Variants in LIMCH1 observed in about 807,000 individuals in gnomAD.
The protein encoded by LIMCH1 is LIM and calponin homology domains 1.
In LIMCH1, 113 loss-of-function variants were observed where a neutral mutation model predicts 176.5. The observed-to-expected ratio is 0.64, with a 90% confidence interval of 0.55 to 0.75. The LOEUF is 0.75. LIMCH1 is among the 30% of genes least tolerant of loss of function. The pLI, the probability that LIMCH1 is intolerant of heterozygous loss-of-function variation, is 0.00. For missense variants in LIMCH1, 1,674 were observed against 1,814.9 expected (o/e 0.92, Z 1.41); for synonymous variants, 619 against 645.9 (o/e 0.96, Z 0.63).
intron 1 of LIMCH1, among the ~76,000 whole-genome samples, chr4:41,370,419 G>A (rs2053782422): frequency 6.6e-6 from 1 of 152,104 alleles, no homozygotes; most frequent in African/African-American, 2.4e-5. Context: ...CTAGTAGCTG[G>A]TATCCATGGT....
chr4:41,440,852 A>G (rs1366064465), intron 1 of LIMCH1, among the ~76,000 whole-genome samples: 1 of 152,190 alleles, frequency 6.6e-6, no homozygotes, highest in African/African-American at 2.4e-5. Flanking sequence ...ACTATTGATA[A>G]TATAGCAGAC....
intron 1 of LIMCH1, among the ~76,000 whole-genome samples, chr4:41,444,961 A>G (rs558746504): frequency 1.9e-4 from 29 of 152,188 alleles, no homozygotes; most frequent in Non-Finnish European, 4.1e-4. Flanking sequence ...ATCTTGCTCA[A>G]TAACCACTGT....
At chr4:41,462,306 G>T (rs1339574097) in intron 1 of LIMCH1, among the ~76,000 whole-genome samples, 1 of 152,150 alleles carries the variant, frequency 6.6e-6, no homozygotes, top group South Asian at 2.1e-4. Flanking sequence ...CTGCAAAAAG[G>T]ATTAATTAGA....
intron 4 of LIMCH1, chr4:41,612,929 A>G (rs2091617274): frequency 4.0e-6 from 6 of 1,486,380 alleles, no homozygotes. Flanking sequence ...TCAAGGTAGC[A>G]GGAGATGAAC....
chr4:41,643,706 C>T (rs2093932667), intron 14 of LIMCH1, among the ~76,000 whole-genome samples: 1 of 152,064 alleles, frequency 6.6e-6, no homozygotes, highest in South Asian at 2.1e-4. Flanking sequence ...CAGAGTTATC[C>T]TGACAAAAAT....
At chr4:41,512,106 C>G (rs2075000207) in intron 2 of LIMCH1, among the ~76,000 whole-genome samples, 1 of 152,076 alleles carries the variant, frequency 6.6e-6, no homozygotes, top group African/African-American at 2.4e-5. Flanking sequence ...GGAATAGACA[C>G]TTCTCCAAAG....
intron 1 of LIMCH1, among the ~76,000 whole-genome samples, chr4:41,431,230 G>C (rs1335544249): frequency 1.3e-5 from 2 of 152,140 alleles, no homozygotes; most frequent in East Asian, 3.9e-4. Flanking sequence ...CAGAGGAAGG[G>C]TCAAAGCTTT....
intron 1 of LIMCH1, among the ~76,000 whole-genome samples, chr4:41,445,139 G>A (rs577292558): frequency 6.6e-6 from 1 of 151,316 alleles, no homozygotes; most frequent in African/African-American, 2.4e-5. Context: ...CCGAGTAGCT[G>A]GAACTACAGG....
chr4:41,411,609 G>A (rs566514896), intron 1 of LIMCH1, among the ~76,000 whole-genome samples: 89 of 151,548 alleles, frequency 5.9e-4, no homozygotes, highest in Admixed American at 9.9e-4. Context: ...CGGATTGATC[G>A]CTCCACCACT....
At chr4:41,583,434 G>A (rs1217708114) in intron 1 of LIMCH1, among the ~76,000 whole-genome samples, 1 of 152,192 alleles carries the variant, frequency 6.6e-6, no homozygotes, top group Non-Finnish European at 1.5e-5. Flanking sequence ...TGCCAAGAAT[G>A]TGCTAGGTGC....
chr4:41,619,069 T>A (rs2092363782), intron 5 of LIMCH1, 119 bp from the exon 6 acceptor site: 1 of 1,135,184 alleles, frequency 8.8e-7, no homozygotes, highest in Admixed American at 2.1e-5. Context: ...GTTAAGTGAA[T>A]GATTTAAGAA....
intron 1 of LIMCH1, among the ~76,000 whole-genome samples, chr4:41,363,619 T>A (rs1255418634): frequency 6.6e-6 from 1 of 152,132 alleles, no homozygotes; most frequent in Non-Finnish European, 1.5e-5. Flanking sequence ...AACTTGTTAG[T>A]GAGGAATTTC....
intron 1 of LIMCH1, among the ~76,000 whole-genome samples, chr4:41,492,075 C>T (rs918330553): frequency 6.6e-6 from 1 of 152,090 alleles, no homozygotes; most frequent in African/African-American, 2.4e-5. Flanking sequence ...AGGTTGTAGC[C>T]AGCCGAGATC....
intron 1 of LIMCH1, among the ~76,000 whole-genome samples, chr4:41,441,727 TC>T (rs1433397916): frequency 4.6e-5 from 7 of 152,222 alleles, no homozygotes; most frequent in African/African-American, 1.7e-4. Context: ...TTTTTCTTTT[TC>T]TTGGTTTTTA....
chr4:41,559,850 G>T (rs956177947), intron 1 of LIMCH1, among the ~76,000 whole-genome samples: 3 of 152,016 alleles, frequency 2.0e-5, no homozygotes. Context: ...TGATTCTTGT[G>T]CACCTCTGTC....
intron 1 of LIMCH1, among the ~76,000 whole-genome samples, chr4:41,563,576 T>A (rs927973285): frequency 6.6e-6 from 1 of 152,166 alleles, no homozygotes; most frequent in Non-Finnish European, 1.5e-5. Context: ...TTTCCTCCAT[T>A]GTCCTGAATT....
chr4:41,633,171 C>A, intron 12 of LIMCH1, 86 bp downstream of exon 12: 2 of 908,024 alleles, frequency 2.2e-6, no homozygotes, highest in Non-Finnish European at 3.4e-6. Flanking sequence ...AGCTTAAAGT[C>A]ACAGTCTGCA....
intron 30 of LIMCH1, among the ~76,000 whole-genome samples, chr4:41,690,180 AG>A (rs1355665725): frequency 6.6e-6 from 1 of 152,208 alleles, no homozygotes; most frequent in Non-Finnish European, 1.5e-5. Context: ...AGGTCCTTAT[AG>A]AACCTTTCTT....
At chr4:41,384,136 G>A (rs2056125845) in intron 1 of LIMCH1, among the ~76,000 whole-genome samples, 1 of 152,172 alleles carries the variant, frequency 6.6e-6, no homozygotes, top group Non-Finnish European at 1.5e-5. Context: ...AAGCCAGACT[G>A]CAGGGGGCTG....
Sources: allele counts gnomAD v4.1 joint callset (sites outside exome capture counted in the v4.1 genomes callset), GRCh38; gene constraint gnomAD v4.1.1; transcripts MANE v1.5; gene names NCBI Gene and HGNC (gene_info 2026-07-23, HGNC 2026-07-21).